The following ANK2 variants were observed in gnomAD, a reference collection of about 807,000 sequenced individuals.
ANK2 encodes the protein ankyrin 2.
ANK2 carries 83 observed loss-of-function variants against 360.5 expected under a neutral mutation model. The observed-to-expected ratio is 0.23, with a 90% CI of 0.19 to 0.28. The LOEUF (loss-of-function observed/expected upper bound fraction) is 0.28. Among genes scored for constraint, ANK2 ranks in the 10% least tolerant of loss-of-function variants. The probability of loss-of-function intolerance (pLI) is 1.00; values close to 1 mark genes in which losing one functional copy is unlikely to be tolerated. For missense variants in ANK2, 4,201 were observed against 4,795.7 expected (o/e 0.88, Z 3.66); for synonymous variants, 1,740 against 1,759.5 (o/e 0.99, Z 0.28).
intron 27 of ANK2, among the ~76,000 whole-genome samples, chr4:113,331,096 G>A (rs928942687): frequency 3.3e-5 from 5 of 151,988 alleles, no homozygotes; most frequent in Non-Finnish European, 5.9e-5. Context: ...TTGTTTGTAC[G>A]GCTGCTGTTA....
the ANK2 span, among the ~76,000 whole-genome samples, chr4:112,726,918 T>G: frequency 6.6e-6 from 1 of 151,292 alleles, no homozygotes; most frequent in Non-Finnish European, 1.5e-5. Context: ...GAAATCAAAG[T>G]AAAACTTTTA....
At chr4:112,943,152 C>A (rs1331209280) in intron 2 of ANK2, among the ~76,000 whole-genome samples, 1 of 151,992 alleles carries the variant, frequency 6.6e-6, no homozygotes, top group Non-Finnish European at 1.5e-5. Flanking sequence ...TGGTAATGAA[C>A]CTCTCACTCT....
intron 2 of ANK2, among the ~76,000 whole-genome samples, chr4:112,925,182 C>T (rs2092369182): frequency 6.6e-6 from 1 of 152,120 alleles, no homozygotes; most frequent in Non-Finnish European, 1.5e-5. Flanking sequence ...TAAAAGCTTG[C>T]TGATTTCAAA....
chr4:113,241,604 T>C (rs1332225765), intron 8 of ANK2, among the ~76,000 whole-genome samples: 1 of 152,216 alleles, frequency 6.6e-6, no homozygotes, highest in African/African-American at 2.4e-5. Flanking sequence ...CTTCCCAAAG[T>C]GCTGGAATTA....
intron 1 of ANK2, among the ~76,000 whole-genome samples, chr4:113,060,016 C>T (rs970286574): frequency 1.3e-5 from 2 of 152,056 alleles, no homozygotes; most frequent in Admixed American, 6.6e-5. Context: ...CACCCAACTA[C>T]GTTACCAAAA....
chr4:112,726,749 G>A, the ANK2 span, among the ~76,000 whole-genome samples: 2,050 of 151,376 alleles, frequency 0.014, 29 homozygotes, highest in East Asian at 0.048. Context: ...TACTCGGGAG[G>A]CTGAGGCAGG....
chr4:112,872,744 T>A (rs2073663372), intron 1 of ANK2, among the ~76,000 whole-genome samples: 1 of 152,232 alleles, frequency 6.6e-6, no homozygotes, highest in African/African-American at 2.4e-5. Flanking sequence ...TTGGGAGTGT[T>A]CCCTCCTCTT....
At chr4:113,000,426 A>G (rs999146874) in intron 2 of ANK2, among the ~76,000 whole-genome samples, 3 of 152,320 alleles carry the variant, frequency 2.0e-5, no homozygotes, top group African/African-American at 7.2e-5. Context: ...TCCAACTGCC[A>G]TCAGCTCAAA....
At chr4:112,819,647 G>C (rs2056418167) in intron 1 of ANK2, among the ~76,000 whole-genome samples, 1 of 152,048 alleles carries the variant, frequency 6.6e-6, no homozygotes, top group East Asian at 1.9e-4. Context: ...CCACTGAACT[G>C]CATAAACACT....
At chr4:112,995,111 C>T (rs2048109590) in intron 2 of ANK2, among the ~76,000 whole-genome samples, 1 of 152,102 alleles carries the variant, frequency 6.6e-6, no homozygotes, top group African/African-American at 2.4e-5. Flanking sequence ...ATTTAATTTC[C>T]TTTGGGTATA....
intron 1 of ANK2, among the ~76,000 whole-genome samples, chr4:113,109,725 C>T (rs1562132329): frequency 6.6e-6 from 1 of 152,162 alleles, no homozygotes; most frequent in African/African-American, 2.4e-5. Flanking sequence ...ATCATTCCAG[C>T]TGTTTGTTGC....
At chr4:112,937,966 T>C (rs1381282689) in intron 2 of ANK2, among the ~76,000 whole-genome samples, 1 of 152,234 alleles carries the variant, frequency 6.6e-6, no homozygotes, top group Non-Finnish European at 1.5e-5. Context: ...CATAGTGTTG[T>C]TATGAGTATG....
At chr4:112,899,665 G>A (rs764238332) in intron 1 of ANK2, among the ~76,000 whole-genome samples, 4 of 152,128 alleles carry the variant, frequency 2.6e-5, no homozygotes, top group Non-Finnish European at 5.9e-5. Context: ...TAGTGTCTTA[G>A]TTCCCATCTT....
upstream of ANK2, among the ~76,000 whole-genome samples, chr4:112,816,921 GA>G (rs2055697996): frequency 6.6e-6 from 1 of 152,310 alleles, no homozygotes; most frequent in East Asian, 1.9e-4. Flanking sequence ...TGAGGCAGGA[GA>G]ATCACTTGAA....
In ANK2 at chr4:113,317,769, G is replaced by T. The variant is rs928589458; in HGVS notation, c.2756G>T (p.Ser919Ile). Reference protein sequence around the residue: ...TLSHASYLRDSAVMDDSVVIP... With the variant: ...TLSHASYLRDIAVMDDSVVIP... Reference sequence around the variant, plus strand: ...AGCCATGCCTCCTACCTGAGGGACAGTGCCGTGATGGATGACTCAGTTGTG... The same window carrying T: ...AGCCATGCCTCCTACCTGAGGGACATTGCCGTGATGGATGACTCAGTTGTG... Residue 919 changes from serine to isoleucine, a missense_variant, in exon 25 of 46, where the codon AGT becomes ATT. By Grantham distance (142) the Ser-to-Ile change is moderately radical. Around this residue, in one of 4 missense-constraint regions of ANK2, gnomAD observed 1,268 missense variants for 1,650.8 expected, o/e 0.77. Coordinates refer to ENST00000357077, the MANE Select transcript of ANK2 (RefSeq NM_001148.6). 6.2e-7 allele frequency: 1 copy of T among 1,614,168 alleles called. No homozygotes were observed. The highest frequency in any genetic ancestry group is 8.5e-7 in the Non-Finnish European group (1 of 1,180,010).
intron 24 of ANK2, among the ~76,000 whole-genome samples, chr4:113,312,024 C>CT (rs1248413961): frequency 6.6e-6 from 1 of 152,094 alleles, no homozygotes; most frequent in East Asian, 1.9e-4. Flanking sequence ...ATCAGTGCTA[C>CT]TTTTTGTTAT....
the ANK2 span, among the ~76,000 whole-genome samples, chr4:112,764,986 G>A: frequency 6.6e-6 from 1 of 152,122 alleles, no homozygotes; most frequent in Non-Finnish European, 1.5e-5. Context: ...GATTACAGGC[G>A]TGAGCCACCG....
chr4:113,236,140 GT>G (rs559436369), intron 5 of ANK2, among the ~76,000 whole-genome samples: 171 of 139,992 alleles, frequency 1.2e-3, no homozygotes, highest in African/African-American at 3.0e-3. Flanking sequence ...GATTAAGGAT[GT>G]TTTTTTTTTC....
chr4:112,883,814 A>G (rs1363186071), intron 1 of ANK2, among the ~76,000 whole-genome samples: 3 of 150,736 alleles, frequency 2.0e-5, no homozygotes, highest in Admixed American at 6.6e-5. Context: ...TTTAAATCAA[A>G]GTAAAATGTT....
Sources: gnomAD v4.1 joint callset for allele counts (sites outside exome capture counted in the v4.1 genomes callset) on GRCh38, gnomAD v4.1.1 for gene constraint, gnomAD v4.1.1 regional missense constraint, MANE v1.5 for transcripts, NCBI Gene and HGNC (gene_info 2026-07-23, HGNC 2026-07-21) for gene names.